The following NRXN1 variants were observed in gnomAD, a reference collection of about 807,000 sequenced individuals.
The protein encoded by NRXN1 is neurexin-1.
Under a neutral mutation model 150.9 loss-of-function variants are expected in NRXN1, and 39 were observed. The ratio of observed to expected loss-of-function variants is 0.26; its 90% CI spans 0.20 to 0.34. The LOEUF is 0.34. Among genes scored for constraint, NRXN1 ranks in the 10% least tolerant of loss-of-function variants. The pLI is 1.00. For synonymous variants in NRXN1, 924 were observed against 757.0 expected (o/e 1.22, Z -3.62); for missense variants, 1,815 against 1,949.9 (o/e 0.93, Z 1.30).
At chr2:50,226,504 G>C (rs2064391086) in intron 18 of NRXN1, among the ~76,000 whole-genome samples, 3 of 151,968 alleles carry the variant, frequency 2.0e-5, no homozygotes, top group Non-Finnish European at 4.4e-5. Flanking sequence ...GAAGAAGAAG[G>C]AGGAGAGGAG....
chr2:50,586,026 T>C (rs1354853786), intron 8 of NRXN1, among the ~76,000 whole-genome samples: 1 of 152,226 alleles, frequency 6.6e-6, no homozygotes, highest in Non-Finnish European at 1.5e-5. Context: ...ATGTCTGTTA[T>C]TTGAAGCAAG....
At chr2:50,528,548 C>A (rs2093017832) in intron 12 of NRXN1, 77 bp downstream of exon 12, 1 of 815,640 alleles carries the variant, frequency 1.2e-6, no homozygotes, top group South Asian at 1.6e-5. Flanking sequence ...TTCTCTTGCT[C>A]TCTCTCTCTC....
At chr2:50,942,607 G>T (rs1294160183) in intron 2 of NRXN1, among the ~76,000 whole-genome samples, 2 of 152,138 alleles carry the variant, frequency 1.3e-5, no homozygotes, top group Non-Finnish European at 2.9e-5. Context: ...TTTAATAACT[G>T]CCCTGTTTGG....
At chr2:50,665,348 T>C (rs914368111) in intron 5 of NRXN1, among the ~76,000 whole-genome samples, 1 of 152,052 alleles carries the variant, frequency 6.6e-6, no homozygotes, top group African/African-American at 2.4e-5. Context: ...TTATTGATCC[T>C]GAATTTTAAA....
chr2:50,739,347 C>T (rs1032290972), intron 5 of NRXN1: 7 of 396,140 alleles, frequency 1.8e-5, no homozygotes, highest in Non-Finnish European at 2.6e-5. Flanking sequence ...ATACTAGTCA[C>T]AAAGTGAAAT....
chr2:50,040,533 A>G (rs1427075985), intron 21 of NRXN1, among the ~76,000 whole-genome samples: 1 of 152,064 alleles, frequency 6.6e-6, no homozygotes, highest in Non-Finnish European at 1.5e-5. Flanking sequence ...ATTTGGAGAT[A>G]TGGAGCTAAT....
At chr2:50,642,979 T>C (rs1684282760) in intron 5 of NRXN1, among the ~76,000 whole-genome samples, 1 of 151,942 alleles carries the variant, frequency 6.6e-6, no homozygotes. Flanking sequence ...TTCCAATAAA[T>C]TGCAGTAAAC....
At chr2:50,068,858 T>C (rs946911219) in intron 19 of NRXN1, among the ~76,000 whole-genome samples, 1 of 152,196 alleles carries the variant, frequency 6.6e-6, no homozygotes, top group East Asian at 1.9e-4. Flanking sequence ...GAATGAGTAA[T>C]GGCCAAAGAG....
chr2:50,649,075 T>C (rs1685211776), intron 5 of NRXN1, among the ~76,000 whole-genome samples: 1 of 152,030 alleles, frequency 6.6e-6, no homozygotes, highest in African/African-American at 2.4e-5. Flanking sequence ...GAATTCAGCT[T>C]AATTTAAAAT....
intron 5 of NRXN1, among the ~76,000 whole-genome samples, chr2:50,633,365 G>A (rs1394703416): frequency 6.6e-6 from 1 of 152,044 alleles, no homozygotes; most frequent in African/African-American, 2.4e-5. Context: ...AAATTATCTT[G>A]ATATCCCCAG....
intron 21 of NRXN1, among the ~76,000 whole-genome samples, chr2:49,959,798 T>C (rs990247100): frequency 2.0e-5 from 3 of 152,162 alleles, no homozygotes; most frequent in African/African-American, 4.8e-5. Context: ...TTATAAGACA[T>C]ACATATGTTA....
In NRXN1 at chr2:50,223,754, T is replaced by A. The variant is rs139867199; in HGVS notation, c.3546+13035A>T. ...CCTTTCTCTGACCTCATTTACATGC[T>A]TAAGTACACAGAGACTCCCCCTGCC... On this transcript the variant is annotated intron_variant, in intron 18 of 22. Coordinates refer to ENST00000401669, the MANE Select transcript of NRXN1 (RefSeq NM_001330078.2). Among the ~76,000 whole-genome samples the A allele has an allele frequency of 4.2e-4, 64 of 152,026 alleles. 1 individual carries two copies. In the East Asian group the frequency reaches 0.011, roughly 25 times the overall value.
chr2:50,543,543 G>A (rs748143388), intron 9 of NRXN1, among the ~76,000 whole-genome samples: 2 of 152,042 alleles, frequency 1.3e-5, no homozygotes, highest in African/African-American at 4.8e-5. Flanking sequence ...GTAAAATGAA[G>A]GTGATAAGCA....
chr2:50,703,090 T>C (rs980369616), intron 5 of NRXN1, among the ~76,000 whole-genome samples: 1 of 152,096 alleles, frequency 6.6e-6, no homozygotes, highest in Non-Finnish European at 1.5e-5. Context: ...TCTATTACTG[T>C]TAGTATTGCT....
intron 21 of NRXN1, among the ~76,000 whole-genome samples, chr2:50,045,327 A>G (rs1247820030): frequency 6.6e-6 from 1 of 152,190 alleles, no homozygotes; most frequent in Non-Finnish European, 1.5e-5. Context: ...ACACACACAT[A>G]CACTTGTATA....
intron 5 of NRXN1, among the ~76,000 whole-genome samples, chr2:50,791,314 C>CA (rs60728323): frequency 0.14 from 15,356 of 111,562 alleles, 1,175 homozygotes; most frequent in Non-Finnish European, 0.18. Flanking sequence ...CTGCTTGCTA[C>CA]AAAAAAAAAA....
At chr2:50,070,555 G>C (rs544398532) in intron 19 of NRXN1, among the ~76,000 whole-genome samples, 1 of 151,960 alleles carries the variant, frequency 6.6e-6, no homozygotes, top group Non-Finnish European at 1.5e-5. Flanking sequence ...CGGATCACAA[G>C]GTCAGGAGAT....
intron 18 of NRXN1, among the ~76,000 whole-genome samples, chr2:50,150,404 G>A (rs2058627328): frequency 6.6e-6 from 1 of 151,746 alleles, no homozygotes; most frequent in African/African-American, 2.4e-5. Context: ...AGCAAAGGAT[G>A]TATTGTCTAT....
intron 5 of NRXN1, among the ~76,000 whole-genome samples, chr2:50,691,830 G>A (rs1160700552): frequency 6.6e-6 from 1 of 152,026 alleles, no homozygotes; most frequent in East Asian, 1.9e-4. Context: ...TTCTCTCTCT[G>A]AACTAAAACT....
Sources: gnomAD v4.1 joint callset for allele counts (sites outside exome capture counted in the v4.1 genomes callset) on GRCh38, gnomAD v4.1.1 for gene constraint, MANE v1.5 for transcripts, NCBI Gene and HGNC (gene_info 2026-07-23, HGNC 2026-07-21) for gene names.